Variants in TRIM37 observed in about 807,000 individuals in gnomAD.
TRIM37 encodes the protein tripartite motif containing 37, also known as E3 ubiquitin-protein ligase TRIM37.
In TRIM37, 80 loss-of-function variants were observed where a neutral mutation model predicts 129.8. That is an observed-to-expected ratio of 0.62 (90% confidence interval 0.51 to 0.74). The LOEUF (loss-of-function observed/expected upper bound fraction) is 0.74. TRIM37 is among the 30% of genes least tolerant of loss of function. The pLI, the probability that TRIM37 is intolerant of heterozygous loss-of-function variation, is 0.00. For synonymous variants in TRIM37, 389 were observed against 387.1 expected (o/e 1.00, Z -0.06); for missense variants, 1,054 against 1,176.5 (o/e 0.90, Z 1.52).
At chr17:58,967,772 T>C in the TRIM37 span, among the ~76,000 whole-genome samples, 1 of 151,810 alleles carries the variant, frequency 6.6e-6, no homozygotes, top group African/African-American at 2.4e-5. Context: ...TTAGTAGGGA[T>C]AGAAATTCTA....
intron 14 of TRIM37, 113 bp downstream of exon 14, chr17:59,051,101 A>C: frequency 1.3e-6 from 1 of 750,372 alleles, no homozygotes; most frequent in East Asian, 2.8e-5. Context: ...TTTTTTTTCT[A>C]ATTACAAATT....
intron 7 of TRIM37, 28 bp downstream of exon 7, chr17:59,079,726 T>A (rs751624297): frequency 1.9e-6 from 3 of 1,613,366 alleles, no homozygotes; most frequent in East Asian, 4.5e-5. Context: ...AAGCACCAGG[T>A]ACCCCAGCAG....
the TRIM37 span, chr17:58,972,008 G>C: frequency 1.2e-6 from 1 of 867,282 alleles, no homozygotes; most frequent in Non-Finnish European, 1.7e-6. Context: ...TATTATATAT[G>C]TGTGAAATTC....
At chr17:59,068,287 C>T (rs1396633627) in intron 9 of TRIM37, among the ~76,000 whole-genome samples, 2 of 152,144 alleles carry the variant, frequency 1.3e-5, no homozygotes, top group Non-Finnish European at 2.9e-5. Flanking sequence ...AACTTTAGTG[C>T]AGTATTATTA....
chr17:59,007,881 GAGAA>G (rs2034745722), intron 22 of TRIM37, among the ~76,000 whole-genome samples: 1 of 152,194 alleles, frequency 6.6e-6, no homozygotes, highest in African/African-American at 2.4e-5. Flanking sequence ...CCTTCTCTTT[GAGAA>G]AGAGAGAGAA....
chr17:58,999,086 T>C lies in TRIM37; in HGVS notation c.*291A>G. On this transcript the variant is annotated 3_prime_UTR_variant, in exon 24 of 24. Coordinates refer to ENST00000262294, the MANE Select transcript of TRIM37 (RefSeq NM_015294.6). ...CTGGCAGTTAACCAGCCTTCTGCTG[T>C]AGTAGACAAACTGCCTTTTGTGAAT... The C allele has an allele frequency of 9.8e-6, 12 of 1,228,530 alleles. No homozygotes were observed. The South Asian group carries it at 1.9e-4, about 20-fold the overall frequency. The allele number at this position is 1,228,530 out of a possible 1,614,324, so 76.1% of individuals were successfully genotyped here.
At chr17:59,054,590 C>T (rs1432906670) in intron 13 of TRIM37, among the ~76,000 whole-genome samples, 3 of 152,076 alleles carry the variant, frequency 2.0e-5, no homozygotes, top group South Asian at 2.1e-4. Flanking sequence ...GCGTGAGCCA[C>T]GGCACCCAGC....
chr17:59,012,227 G>GCAGCAGCAGCAGCAC (rs72443487), intron 22 of TRIM37, 101 bp downstream of exon 22: 1,682 of 594,370 alleles, frequency 2.8e-3, no homozygotes, highest in East Asian at 6.3e-3. Context: ...AGCAGCAGCA[G>GCAGCAGCAGCAGCAC]CACCACCACC....
Position 58,998,925 on chromosome 17 carries a change from A to T in TRIM37, c.*452T>A. 9.7e-7 allele frequency: 1 copy of T among 1,027,122 alleles called. No individual in the cohort carries two copies. The highest frequency in any genetic ancestry group is 1.2e-6 in the Non-Finnish European group (1 of 854,584). The allele number at this position is 1,027,122 out of a possible 1,614,324, so 63.6% of individuals were successfully genotyped here. A position where few individuals can be genotyped will look rare whatever the true frequency, so the allele number is the denominator to read the frequency against. ...AGCAATTTTCTGTTCACTAATCTAC[A>T]GGCACTAATGGAACTGTAATTAAAA... On this transcript the variant is annotated 3_prime_UTR_variant, in exon 24 of 24. Coordinates refer to ENST00000262294, the MANE Select transcript of TRIM37 (RefSeq NM_015294.6).
chr17:58,996,064 C>A (rs575692295), downstream of TRIM37, among the ~76,000 whole-genome samples: 1 of 151,980 alleles, frequency 6.6e-6, no homozygotes, highest in Non-Finnish European at 1.5e-5. Context: ...AAAGTATCTG[C>A]CCCAAATATT....
intron 8 of TRIM37, among the ~76,000 whole-genome samples, chr17:59,073,998 C>T (rs145053206): frequency 8.5e-4 from 129 of 152,270 alleles, no homozygotes; most frequent in African/African-American, 3.1e-3. Flanking sequence ...ATAGTAAATA[C>T]ATAAACCAGT....
Position 58,998,836 on chromosome 17 carries a change from GGA to G in TRIM37, c.*539_*540del, listed in dbSNP as rs1466138926. On this transcript the variant is annotated 3_prime_UTR_variant, in exon 24 of 24. Transcript: ENST00000262294. Reference sequence around the variant, plus strand: ...TGAGAGAAGATACATACTCCAAAAAGGAGATTCAGTCTAGTGTTACTTCAGTT... The same window carrying G: ...TGAGAGAAGATACATACTCCAAAAAGGATTCAGTCTAGTGTTACTTCAGTT... 3.0e-6 allele frequency: 3 copies of G among 990,378 alleles called. No homozygotes were observed. In the African/African-American group the frequency reaches 5.2e-5, roughly 17 times the overall value. 61.3% of individuals were successfully genotyped at this position (990,378 alleles called of 1,614,324 possible).
chr17:59,004,918 C>CAAAACAAA (rs558223805), intron 22 of TRIM37, among the ~76,000 whole-genome samples: 1 of 151,688 alleles, frequency 6.6e-6, no homozygotes, highest in Admixed American at 6.6e-5. Context: ...CCATCTTCAG[C>CAAAACAAA]AAAACAAAAA....
At position 58,999,026 on chromosome 17, in the gene TRIM37, T is replaced by C. The variant is rs888243861; in HGVS notation, c.*351A>G. On this transcript the variant is annotated 3_prime_UTR_variant, in exon 24 of 24. Coordinates refer to ENST00000262294, the MANE Select transcript of TRIM37 (RefSeq NM_015294.6). ...CAGTAGAGCACCAATGCCGGGCGGG[T>C]TACTGACGGCATGCAGGGCCTGGAG... 1 of 1,125,664 alleles carries C rather than the reference T, an allele frequency of 8.9e-7. No individual in the cohort carries two copies. The highest frequency in any genetic ancestry group is 1.7e-5 in the African/African-American group (1 of 60,434). 69.7% of individuals were successfully genotyped at this position (1,125,664 alleles called of 1,614,324 possible).
chr17:59,106,650 A>C lies in TRIM37; in HGVS notation c.-189T>G. The C allele has an allele frequency of 1.5e-6, 1 of 677,466 alleles. No individual in the cohort carries two copies. The highest frequency in any genetic ancestry group is 2.5e-6 in the Non-Finnish European group (1 of 395,200). The allele number at this position is 677,466 out of a possible 1,614,324, so 42.0% of individuals were successfully genotyped here. The stretch of plus-strand genomic sequence containing the variant: ...CAGCGCCGCCTACCCCCATTTCGCC[A>C]TTTTTACCGGCGCGCCCGCCCCGAG... On this transcript the variant is annotated 5_prime_UTR_variant, in exon 1 of 24. An upstream start codon of the reference 5' UTR is lost. Transcript: ENST00000262294.
In TRIM37 at chr17:59,088,264, T is replaced by C. The variant is rs546821407; in HGVS notation, c.281+27A>G. On this transcript the variant is annotated intron_variant, in intron 4 of 23. Coordinates refer to ENST00000262294, the MANE Select transcript of TRIM37 (RefSeq NM_015294.6). ...CAATACAAAGGCAAAATCCATTCAA[T>C]ATTGAACAAAGAAATTGAGGACATA... 3.0e-5 allele frequency: 45 copies of C among 1,480,706 alleles called. 1 individual carries two copies. Among genetic ancestry groups the C allele is most frequent in the South Asian group, 1.8e-4 (16 of 88,036 alleles). The allele number at this position is 1,480,706 out of a possible 1,614,324, so 91.7% of individuals were successfully genotyped here.
At chr17:59,077,752 G>A (rs1343292181) in intron 7 of TRIM37, among the ~76,000 whole-genome samples, 2 of 143,588 alleles carry the variant, frequency 1.4e-5, no homozygotes, top group Non-Finnish European at 3.0e-5. Context: ...AGAGGTTGCA[G>A]TGAGCCAAGA....
intron 14 of TRIM37, 123 bp downstream of exon 14, chr17:59,051,090 AT>A (rs987542408): frequency 2.0e-4 from 140 of 708,418 alleles, no homozygotes; most frequent in Non-Finnish European, 3.0e-4. Context: ...AGATAACTAG[AT>A]TTTTTTTCTA....
downstream of TRIM37, chr17:58,980,374 A>G: frequency 1.2e-6 from 2 of 1,614,194 alleles, no homozygotes; most frequent in Non-Finnish European, 1.7e-6. The surrounding 1 kb of genome is among the most constrained non-coding windows in gnomAD (Gnocchi z 4.7). Flanking sequence ...GCTCAGCACC[A>G]GCCGACCTAG....
Sources: gnomAD v4.1 joint callset for allele counts (sites outside exome capture counted in the v4.1 genomes callset) on GRCh38, gnomAD v4.1.1 for gene constraint, Gnocchi (gnomAD v3.1) non-coding constraint, MANE v1.5 for transcripts, NCBI Gene and HGNC (gene_info 2026-07-23, HGNC 2026-07-21) for gene names.